AATK: variants seen among roughly 807,000 people sequenced by gnomAD.
The protein encoded by AATK is serine/threonine-protein kinase LMTK1.
A neutral mutation model predicts 114.3 loss-of-function variants in AATK; 91 were observed. The ratio of observed to expected loss-of-function variants is 0.80; its 90% CI spans 0.67 to 0.95. The LOEUF (loss-of-function observed/expected upper bound fraction) is 0.95. AATK is among the 40% of genes least tolerant of loss of function. The pLI is 0.00. For synonymous variants in AATK, 1,075 were observed against 916.5 expected (o/e 1.17, Z -3.12); for missense variants, 2,176 against 1,965.2 (o/e 1.11, Z -2.03).
intron 1 of AATK, among the ~76,000 whole-genome samples, chr17:81,150,832 G>A (rs530904025): frequency 1.3e-4 from 20 of 152,296 alleles, no homozygotes; most frequent in African/African-American, 3.1e-4. Context: ...CCTTTCCCCC[G>A]TCTGGTGATG....
In AATK at chr17:81,119,384, CTT is replaced by C; in HGVS notation, c.4078_4079del (p.Lys1360GlufsTer4). On this transcript the variant is annotated frameshift_variant, in exon 13 of 14. Coordinates refer to ENST00000326724, the MANE Select transcript of AATK (RefSeq NM_001080395.3). LOFTEE classifies it low-confidence loss of function (END_TRUNC). ...ACAGCCCCGCCCAGGCCTCACCTCT[CTT>C]GGACTCGGCGTCCGAGTCAGACACG... ...THVSDSDAESKRGPEAGAGGE... is the reference protein window; with the variant it reads ...THVSDSDAESXRGPEAGAGGE... 1 of 1,570,362 alleles carries C rather than the reference CTT, an allele frequency of 6.4e-7. No homozygotes were observed. The highest frequency in any genetic ancestry group is 8.6e-7 in the Non-Finnish European group (1 of 1,165,004).
chr17:81,120,046 C>T lies in AATK; in HGVS notation c.3773G>A (p.Gly1258Asp). The T allele has an allele frequency of 1.4e-6, 2 of 1,456,434 alleles. No homozygotes were observed. Among genetic ancestry groups the T allele is most frequent in the East Asian group, 2.7e-5 (1 of 37,296 alleles). The allele number at this position is 1,456,434 out of a possible 1,614,324, so 90.2% of individuals were successfully genotyped here. ...GAACGTAGGGGGCGATTCCTTGGCG[C>T]CCGGGAAGGGCTCCCCGAGCTCCCG... is the stretch of plus-strand genomic sequence containing the variant. ...PTRELGEPFPGAKESPPTFLR... is the reference protein window; with the variant it reads ...PTRELGEPFPDAKESPPTFLR... The change falls in exon 12 of 14, where the codon GGC (glycine) becomes GAC (aspartate). Residue 1258 changes from glycine (G) to aspartate (D), a missense_variant. Transcript: ENST00000326724.
chr17:81,149,316 C>A (rs868548770), intron 1 of AATK, among the ~76,000 whole-genome samples: 1 of 152,138 alleles, frequency 6.6e-6, no homozygotes. Flanking sequence ...ACACCTCCAT[C>A]GGACTGCCCT....
At chr17:81,163,844 C>T (rs957883972) in intron 1 of AATK, among the ~76,000 whole-genome samples, 3 of 152,242 alleles carry the variant, frequency 2.0e-5, no homozygotes, top group Admixed American at 1.3e-4. Context: ...GGAGCCGGCC[C>T]GGCAGCGGGG....
intron 1 of AATK, among the ~76,000 whole-genome samples, chr17:81,138,497 C>G (rs773261547): frequency 7.5e-4 from 110 of 146,462 alleles, no homozygotes; most frequent in Non-Finnish European, 1.1e-3. Context: ...GCACACACAC[C>G]CTCGTGCAGA....
chr17:81,149,562 G>T (rs2061268630), intron 1 of AATK, among the ~76,000 whole-genome samples: 1 of 151,692 alleles, frequency 6.6e-6, no homozygotes, highest in African/African-American at 2.4e-5. Flanking sequence ...CCGGGGATCT[G>T]CAGCGTCACC....
intron 1 of AATK, among the ~76,000 whole-genome samples, chr17:81,144,471 C>T (rs1242396723): frequency 6.6e-6 from 1 of 152,190 alleles, no homozygotes; most frequent in African/African-American, 2.4e-5. Flanking sequence ...CACAGTGGCC[C>T]CTGGAGGCAC....
Position 81,131,638 on chromosome 17 carries a change from A to G in AATK, c.190-433T>C, listed in dbSNP as rs549847971. 1.8e-3 allele frequency among the ~76,000 whole-genome samples: 272 copies of G among 152,166 alleles called. 3 individuals carry two copies. The highest frequency in any genetic ancestry group is 0.01 in the Middle Eastern group (3 of 294). On this transcript the variant is annotated intron_variant, in intron 2 of 13. Transcript: ENST00000326724. ...GGAACCAAGGGACAGAGGTGAGGGCACTCAGGCCAGCTGGCCCTGCCCATC... is the reference window on the plus strand; with the variant it reads ...GGAACCAAGGGACAGAGGTGAGGGCGCTCAGGCCAGCTGGCCCTGCCCATC...
Position 81,138,454 on chromosome 17 carries a change from T to C in AATK, c.56-3953A>G, listed in dbSNP as rs548258274. 7.5e-4 allele frequency among the ~76,000 whole-genome samples: 10 copies of C among 13,374 alleles called. No individual in the cohort carries two copies. The South Asian group carries it at 0.063, about 85-fold the overall frequency. The allele number at this position is 13,374 out of a possible 152,430, so 8.8% of individuals were successfully genotyped here. On this transcript the variant is annotated intron_variant, in intron 1 of 13. Transcript: ENST00000326724. ...ATGCAAACACACCCACAGATGCATG[T>C]GCACACACACCCACCCACATGCACA...
chr17:81,138,851 G>C (rs781063208), intron 1 of AATK, among the ~76,000 whole-genome samples: 3 of 150,314 alleles, frequency 2.0e-5, no homozygotes, highest in Non-Finnish European at 4.4e-5. Context: ...CACGCGTGCA[G>C]ATAACACGCA....
chr17:81,160,152 GAGC>G, intron 1 of AATK: 3 of 635,780 alleles, frequency 4.7e-6, no homozygotes, highest in Non-Finnish European at 5.9e-6. Context: ...GTCCCTGCAG[GAGC>G]AGGAGTCTCC....
rs959037757 is a variant in AATK, at chr17:81,126,869, T to C, written c.622-309A>G. 2.5e-6 allele frequency: 3 copies of C among 1,180,928 alleles called. No homozygotes were observed. The highest frequency in any genetic ancestry group is 3.2e-6 in the Non-Finnish European group (3 of 951,198). 73.2% of individuals were successfully genotyped at this position (1,180,928 alleles called of 1,614,324 possible). On this transcript the variant is annotated intron_variant, in intron 6 of 13. Coordinates refer to ENST00000326724, the MANE Select transcript of AATK (RefSeq NM_001080395.3). The surrounding 1 kb of genome is among the most constrained non-coding windows in gnomAD (Gnocchi z 5.1). ...CCAAGTGGATCTGCTTGATGGAGTC[T>C]GGGGCTGGTGGTCGAGGGTTGGCCG...
chr17:81,122,954 A>T, intron 10 of AATK, 131 bp from the exon 11 acceptor site: 1 of 1,001,136 alleles, frequency 1.0e-6, no homozygotes, highest in Non-Finnish European at 1.4e-6. Context: ...CTTAATTGAC[A>T]CCCCAAATCT....
rs1425397394 is a variant in AATK, at chr17:81,140,877, G to GCCGGGAGA, written c.56-6377_56-6376insTCTCCCGG. On this transcript the variant is annotated intron_variant, in intron 1 of 13. Coordinates refer to ENST00000326724, the MANE Select transcript of AATK (RefSeq NM_001080395.3). ...GGGCTGTGGGGCCGTGAGCCGTGGGGCCGTGGGGACCGTGAGCTGTGAGCC... is the reference window on the plus strand; with the variant it reads ...GGGCTGTGGGGCCGTGAGCCGTGGGGCCGGGAGACCGTGGGGACCGTGAGCTGTGAGCC... 6.6e-4 allele frequency among the ~76,000 whole-genome samples: 95 copies of GCCGGGAGA among 144,942 alleles called. 3 individuals are homozygous for GCCGGGAGA. The highest frequency in any genetic ancestry group is 4.4e-3 in the East Asian group (21 of 4,766).
Position 81,120,928 on chromosome 17 carries a change from G to T in AATK, c.3008C>A (p.Ala1003Asp). 6.2e-7 allele frequency: 1 copy of T among 1,602,064 alleles called. No homozygotes were observed. Among genetic ancestry groups the T allele is most frequent in the Non-Finnish European group, 8.5e-7 (1 of 1,175,066 alleles). The change falls in exon 11 of 14, where the codon GCT becomes GAT. Residue 1003 changes from alanine to aspartate, a missense_variant. By Grantham distance (126) the Ala-to-Asp change is moderately radical. This residue lies in a region of AATK where 1,701 missense variants were observed against 1,394.7 expected (regional missense o/e 1.22). Coordinates refer to ENST00000326724, the MANE Select transcript of AATK (RefSeq NM_001080395.3). Reference sequence around the variant, plus strand: ...TGGGCCTGAGGTGGCCTCGGCCTCAGCCTCGAGGTCTGAGAAGTAGGCAGA... The same window carrying T: ...TGGGCCTGAGGTGGCCTCGGCCTCATCCTCGAGGTCTGAGAAGTAGGCAGA... Reference protein sequence around the residue: ...RDSAYFSDLEAEAEATSGPEK... With the variant: ...RDSAYFSDLEDEAEATSGPEK...
At chr17:81,123,095 G>A in intron 10 of AATK, 99 bp downstream of exon 10, 1 of 1,305,616 alleles carries the variant, frequency 7.7e-7, no homozygotes, top group Non-Finnish European at 9.9e-7. Flanking sequence ...GACCAGGCAG[G>A]GCTGGAACGC....
rs781098815 is a variant in AATK, at chr17:81,120,523, G to A, written c.3413C>T (p.Thr1138Ile). The part of the protein sequence containing the change: ...APQKRMGGPG[T>I]PRAPLRLALP... ...AGCCAGGCGGAGTGGGGCTCTGGGG[G>A]TGCCTGGGCCCCCCATCCGCTTTTG... Residue 1138 changes from threonine (T) to isoleucine (I), a missense_variant, in exon 11 of 14, where the codon ACC becomes ATC. This residue lies in a region of AATK where 1,701 missense variants were observed against 1,394.7 expected (regional missense o/e 1.22). Transcript: ENST00000326724. 5 of 1,484,690 alleles carry A rather than the reference G, an allele frequency of 3.4e-6. No individual in the cohort carries two copies. Among genetic ancestry groups the A allele is most frequent in the Admixed American group, 2.5e-5 (1 of 39,958 alleles). 92.0% of individuals were successfully genotyped at this position (1,484,690 alleles called of 1,614,324 possible).
intron 7 of AATK, chr17:81,125,810 G>A: frequency 4.5e-6 from 2 of 446,120 alleles, no homozygotes; most frequent in Non-Finnish European, 9.4e-6. Context: ...CTAGGGGGTG[G>A]AGTGGGGTGG....
chr17:81,124,905 G>GGCCCCC, intron 8 of AATK, 25 bp downstream of exon 8: 7 of 1,503,156 alleles, frequency 4.7e-6, no homozygotes, highest in Non-Finnish European at 6.4e-6. Flanking sequence ...CTCATGCCCA[G>GGCCCCC]CCCAGCCCAC....
Sources: allele counts gnomAD v4.1 joint callset (sites outside exome capture counted in the v4.1 genomes callset), GRCh38; gene constraint gnomAD v4.1.1; regional missense constraint gnomAD v4.1.1; non-coding constraint Gnocchi (gnomAD v3.1); transcripts MANE v1.5; gene names NCBI Gene and HGNC (gene_info 2026-07-23, HGNC 2026-07-21).